The following NRG1 variants were observed in gnomAD, a reference collection of about 807,000 sequenced individuals.
NRG1 encodes pro-neuregulin-1, membrane-bound isoform.
NRG1 carries 18 observed loss-of-function variants against 63.8 expected under a neutral mutation model. That is an observed-to-expected ratio of 0.28 (90% CI 0.19 to 0.42). The LOEUF is 0.42. Among genes scored for constraint, NRG1 ranks in the 10% least tolerant of loss-of-function variants. The probability of loss-of-function intolerance (pLI) is 1.00; values close to 1 mark genes in which losing one functional copy is unlikely to be tolerated. For missense variants in NRG1, 762 were observed against 814.7 expected (o/e 0.94, Z 0.79); for synonymous variants, 302 against 301.3 (o/e 1.00, Z -0.02).
intron 1 of NRG1, among the ~76,000 whole-genome samples, chr8:32,083,480 A>G (rs1386299060): frequency 1.3e-5 from 2 of 152,094 alleles, no homozygotes; most frequent in Non-Finnish European, 1.5e-5. Context: ...TGTCTGGGAT[A>G]ATGTGGCATA....
intron 1 of NRG1, among the ~76,000 whole-genome samples, chr8:32,446,661 A>AG (rs1820285113): frequency 1.1e-4 from 1 of 9,508 alleles, no homozygotes; most frequent in African/African-American, 2.7e-4. Flanking sequence ...TCTCAAAAAC[A>AG]AAAAAAAAAG....
chr8:32,408,133 A>C lies in NRG1; in HGVS notation c.38-187695A>C, dbSNP rs549174606. Among the ~76,000 whole-genome samples, 309 of 152,312 alleles carry C rather than the reference A, an allele frequency of 2.0e-3. 1 individual carries two copies. Among genetic ancestry groups the C allele is most frequent in the African/African-American group, 7.2e-3 (299 of 41,578 alleles). On this transcript the variant is annotated intron_variant, in intron 1 of 10. Transcript: ENST00000519301. ...ATTTCTGAGACAATAAGTTACTGCT[A>C]GGTCACTGAACATACTTGGGGTAGG...
chr8:31,915,790 C>T (rs1833332555), intron 1 of NRG1, among the ~76,000 whole-genome samples: 1 of 152,016 alleles, frequency 6.6e-6, no homozygotes, highest in African/African-American at 2.4e-5. Flanking sequence ...CATAGTTTGC[C>T]AAGTTAATTT....
intron 1 of NRG1, among the ~76,000 whole-genome samples, chr8:32,286,879 C>A (rs377640464): frequency 2.6e-5 from 4 of 152,110 alleles, no homozygotes; most frequent in Non-Finnish European, 5.9e-5. Context: ...CACCTGTAAT[C>A]CCAGCTACTC....
chr8:32,464,036 G>T (rs1191698403), intron 1 of NRG1, among the ~76,000 whole-genome samples: 1 of 151,020 alleles, frequency 6.6e-6, no homozygotes. Context: ...GGGATTACAG[G>T]TGCCTGCCAC....
intron 1 of NRG1, among the ~76,000 whole-genome samples, chr8:32,413,798 T>G (rs1302262120): frequency 6.6e-6 from 1 of 152,190 alleles, no homozygotes; most frequent in Non-Finnish European, 1.5e-5. Flanking sequence ...AGGCTCAACA[T>G]GATTTCTTAT....
At chr8:31,970,917 G>C (rs112369739) in intron 1 of NRG1, among the ~76,000 whole-genome samples, 1 of 152,004 alleles carries the variant, frequency 6.6e-6, no homozygotes, top group Non-Finnish European at 1.5e-5. Context: ...GGTGGCGGGC[G>C]CCTGTAGTCC....
At chr8:31,752,509 AT>A (rs1221183996) in intron 1 of NRG1, among the ~76,000 whole-genome samples, 1 of 152,068 alleles carries the variant, frequency 6.6e-6, no homozygotes, top group East Asian at 1.9e-4. Flanking sequence ...GCTAGTATTT[AT>A]TTAACATCCA....
intron 1 of NRG1, among the ~76,000 whole-genome samples, chr8:32,570,770 T>C (rs964762224): frequency 2.6e-5 from 4 of 152,222 alleles, no homozygotes; most frequent in African/African-American, 9.6e-5. Context: ...CATTATTTTG[T>C]ATTGATACAA....
rs1000080961 is a variant in NRG1, at chr8:32,666,489, A to AGGG, written c.502+49607_502+49609dup. 2.0e-5 allele frequency among the ~76,000 whole-genome samples: 3 copies of AGGG among 152,092 alleles called. No homozygotes were observed. In the East Asian group the frequency reaches 5.8e-4, roughly 29 times the overall value. On this transcript the variant is annotated intron_variant, in intron 5 of 11. Transcript: ENST00000356819. ...AAGCAGCATTTTAATATTTTTCAAG[A>AGGG]GGGGGAAAAAAAAGAGCGTGGTTCC...
intron 1 of NRG1, among the ~76,000 whole-genome samples, chr8:32,332,997 T>A (rs1407005701): frequency 6.6e-6 from 1 of 152,160 alleles, no homozygotes; most frequent in East Asian, 1.9e-4. Context: ...TTGTTCTTTA[T>A]CCTTCCATGC....
chr8:32,255,672 G>A (rs888780948), intron 1 of NRG1, among the ~76,000 whole-genome samples: 2 of 152,110 alleles, frequency 1.3e-5, no homozygotes, highest in Non-Finnish European at 2.9e-5. Context: ...TGGTGAATCT[G>A]ACGATTGTGT....
intron 1 of NRG1, among the ~76,000 whole-genome samples, chr8:31,833,003 G>A (rs1434297686): frequency 6.6e-6 from 1 of 152,108 alleles, no homozygotes; most frequent in Non-Finnish European, 1.5e-5. Flanking sequence ...CGGTGTTCCA[G>A]CCTCCTCCAA....
intron 1 of NRG1, among the ~76,000 whole-genome samples, chr8:32,360,279 C>T (rs987084407): frequency 6.6e-6 from 1 of 152,106 alleles, no homozygotes; most frequent in African/African-American, 2.4e-5. Context: ...TTTGCCAATA[C>T]CTGTAAACAT....
intron 1 of NRG1, among the ~76,000 whole-genome samples, chr8:32,328,064 A>G (rs943383663): frequency 2.0e-5 from 3 of 152,250 alleles, no homozygotes; most frequent in Non-Finnish European, 4.4e-5. Flanking sequence ...ACTTGAAGTC[A>G]GAGGAAGGAG....
chr8:32,368,386 T>C (rs1011382570), intron 1 of NRG1, among the ~76,000 whole-genome samples: 6 of 152,116 alleles, frequency 3.9e-5, no homozygotes, highest in African/African-American at 7.2e-5. Context: ...CTGGGCAAGA[T>C]AGCAAGACCC....
At chr8:32,263,865 T>TCCTC (rs1850638692) in intron 1 of NRG1, among the ~76,000 whole-genome samples, 2 of 152,034 alleles carry the variant, frequency 1.3e-5, no homozygotes, top group African/African-American at 4.8e-5. Context: ...ATTTCAAACC[T>TCCTC]CCTCCCTAAT....
chr8:31,684,101 T>G (rs1808618951), intron 1 of NRG1, among the ~76,000 whole-genome samples: 1 of 152,172 alleles, frequency 6.6e-6, no homozygotes. Flanking sequence ...ACCAGCAGCA[T>G]CAATACCAAC....
chr8:32,448,533 T>C lies in NRG1; in HGVS notation c.38-147295T>C, dbSNP rs1272019005. On this transcript the variant is annotated intron_variant, in intron 1 of 10. Transcript: ENST00000519301. ...GGAGGAGGATCCAAAGTCTTTGAGT[T>C]GTTTTCTTTTATTTCTTTTTAGCCC... 2.7e-4 allele frequency among the ~76,000 whole-genome samples: 41 copies of C among 152,352 alleles called. 2 individuals carry two copies. The highest frequency in any genetic ancestry group is 2.5e-3 in the Admixed American group (39 of 15,302).
Sources: gnomAD v4.1 joint callset for allele counts (sites outside exome capture counted in the v4.1 genomes callset) on GRCh38, gnomAD v4.1.1 for gene constraint, MANE v1.5 for transcripts, NCBI Gene and HGNC (gene_info 2026-07-23, HGNC 2026-07-21) for gene names.